Variants in SLC16A1 observed in about 807,000 individuals in gnomAD.
SLC16A1 encodes solute carrier family 16 member 1.
A neutral mutation model predicts 32.2 loss-of-function variants in SLC16A1; 11 were observed. The ratio of observed to expected loss-of-function variants is 0.34; its 90% confidence interval spans 0.21 to 0.56. The LOEUF is 0.56. SLC16A1 is among the 20% of genes least tolerant of loss of function. SLC16A1 has a pLI of 0.87. For synonymous variants in SLC16A1, 231 were observed against 226.8 expected (o/e 1.02, Z -0.17); for missense variants, 435 against 615.0 (o/e 0.71, Z 3.10).
chr1:112,926,731 G>A (rs573678321), intron 2 of SLC16A1, among the ~76,000 whole-genome samples: 11 of 151,856 alleles, frequency 7.2e-5, no homozygotes, highest in East Asian at 3.9e-4. Context: ...AAAATTAGCC[G>A]AGTGTGGTGG....
intron 1 of SLC16A1, among the ~76,000 whole-genome samples, chr1:112,939,562 ATGG>A (rs574316432): frequency 4.9e-4 from 74 of 151,932 alleles, no homozygotes; most frequent in Non-Finnish European, 8.4e-4. Context: ...CTGGAGTGCA[ATGG>A]CATGATCTCG....
chr1:112,947,148 T>G (rs12028967), intron 1 of SLC16A1, among the ~76,000 whole-genome samples: 49,264 of 152,120 alleles, frequency 0.32, 8,546 homozygotes, highest in East Asian at 0.64. Context: ...GAATTCTAAA[T>G]TATATTCTGG....
intron 2 of SLC16A1, among the ~76,000 whole-genome samples, chr1:112,922,916 G>A (rs1035267483): frequency 6.6e-6 from 1 of 152,134 alleles, no homozygotes; most frequent in South Asian, 2.1e-4. Flanking sequence ...GGTTTGTGGT[G>A]TTGTGTTTTT....
intron 1 of SLC16A1, among the ~76,000 whole-genome samples, chr1:112,942,436 A>C (rs773152913): frequency 6.6e-6 from 1 of 152,256 alleles, no homozygotes; most frequent in South Asian, 2.1e-4. Flanking sequence ...AACCAGCCTT[A>C]AGAAATTTCC....
At chr1:112,945,919 A>G (rs904845103) in intron 1 of SLC16A1, among the ~76,000 whole-genome samples, 1 of 152,106 alleles carries the variant, frequency 6.6e-6, no homozygotes, top group African/African-American at 2.4e-5. Flanking sequence ...GTGAACCCAG[A>G]GGCGGAGATT....
At chr1:112,920,347 C>G (rs1164351040) in intron 3 of SLC16A1, among the ~76,000 whole-genome samples, 1 of 152,112 alleles carries the variant, frequency 6.6e-6, no homozygotes, top group Non-Finnish European at 1.5e-5. Flanking sequence ...GTGGCTCACG[C>G]CTGTAATCCC....
At chr1:112,939,870 C>A (rs1469851707) in intron 1 of SLC16A1, among the ~76,000 whole-genome samples, 1 of 151,984 alleles carries the variant, frequency 6.6e-6, no homozygotes, top group African/African-American at 2.4e-5. Context: ...AACTCAGCCT[C>A]ATACTCCCTC....
intron 1 of SLC16A1, chr1:112,935,852 C>T (rs1649284219): frequency 6.6e-6 from 1 of 151,572 alleles, no homozygotes; most frequent in African/African-American, 2.4e-5. Flanking sequence ...TTGCTTCTCC[C>T]CCATTCTCTC....
intron 2 of SLC16A1, among the ~76,000 whole-genome samples, chr1:112,927,963 GCAGAAT>G (rs1411201802): frequency 1.3e-5 from 2 of 151,924 alleles, no homozygotes; most frequent in Non-Finnish European, 2.9e-5. Context: ...TAAAATCCTG[GCAGAAT>G]GGAGTTCAAA....
chr1:112,927,936 C>T (rs1359348921), intron 2 of SLC16A1, among the ~76,000 whole-genome samples: 1 of 152,116 alleles, frequency 6.6e-6, no homozygotes. Flanking sequence ...TTCAAGCCAT[C>T]ATAGTCAAAA....
intron 4 of SLC16A1, among the ~76,000 whole-genome samples, chr1:112,915,980 T>A (rs190620951): frequency 6.6e-6 from 1 of 152,216 alleles, no homozygotes; most frequent in Admixed American, 6.5e-5. Context: ...ATTAATTTTC[T>A]AGCTGTATGA....
chr1:112,952,699 C>A (rs1557858356), intron 1 of SLC16A1, among the ~76,000 whole-genome samples: 2 of 152,032 alleles, frequency 1.3e-5, no homozygotes, highest in Non-Finnish European at 2.9e-5. Flanking sequence ...TCGCTCAACT[C>A]TTTGTGTTTT....
At chr1:112,930,807 C>T (rs1469485595) in intron 1 of SLC16A1, among the ~76,000 whole-genome samples, 3 of 151,848 alleles carry the variant, frequency 2.0e-5, no homozygotes, top group Non-Finnish European at 4.4e-5. Context: ...TCACTACAAC[C>T]TCTGCCTCCC....
intron 1 of SLC16A1, among the ~76,000 whole-genome samples, chr1:112,933,047 A>G (rs1649189971): frequency 6.6e-6 from 1 of 152,158 alleles, no homozygotes; most frequent in Admixed American, 6.5e-5. Flanking sequence ...ATCTCACAAA[A>G]GATGTATGAG....
At chr1:112,927,185 T>C (rs1175486625) in intron 2 of SLC16A1, among the ~76,000 whole-genome samples, 2 of 149,166 alleles carry the variant, frequency 1.3e-5, no homozygotes, top group Non-Finnish European at 3.0e-5. Context: ...GACTCTGAGG[T>C]AGAAGTTAAT....
rs146036369 is a variant in SLC16A1, at chr1:112,930,083, G to A, written c.-44-731C>T. On this transcript the variant is annotated intron_variant, in intron 1 of 4. Transcript: ENST00000369626. ...TAGTAAGCGTTTCCCTGAGTTCTGT[G>A]AGCCTTCCTAGCAAATTAATCAAAC... Among the ~76,000 whole-genome samples the A allele has an allele frequency of 2.7e-3, 418 of 152,222 alleles. 1 individual carries two copies. The highest frequency in any genetic ancestry group is 9.7e-3 in the African/African-American group (403 of 41,518).
chr1:112,916,920 C>T (rs960737783), intron 4 of SLC16A1, among the ~76,000 whole-genome samples: 3 of 152,062 alleles, frequency 2.0e-5, no homozygotes, highest in African/African-American at 7.2e-5. Context: ...CAGAGCAAGA[C>T]TCCATCTCAA....
At chr1:112,928,546 CAA>C (rs902090722) in intron 2 of SLC16A1, among the ~76,000 whole-genome samples, 18 of 151,982 alleles carry the variant, frequency 1.2e-4, no homozygotes, top group Admixed American at 3.3e-4. Flanking sequence ...CCAAAAAAAA[CAA>C]AAGAGAAATA....
At chr1:112,923,004 G>A (rs1343465612) in intron 2 of SLC16A1, among the ~76,000 whole-genome samples, 3 of 151,700 alleles carry the variant, frequency 2.0e-5, no homozygotes, top group African/African-American at 4.8e-5. Flanking sequence ...TCCGCCTCCC[G>A]GGTTCATGCC....
Sources: gnomAD v4.1 joint callset for allele counts (sites outside exome capture counted in the v4.1 genomes callset) on GRCh38, gnomAD v4.1.1 for gene constraint, MANE v1.5 for transcripts, NCBI Gene and HGNC (gene_info 2026-07-23, HGNC 2026-07-21) for gene names.